SHQ1: variants seen among roughly 807,000 people sequenced by gnomAD.
SHQ1 encodes the protein SHQ1, H/ACA ribonucleoprotein assembly factor, also known as protein SHQ1 homolog.
In SHQ1, 49 loss-of-function variants were observed where a neutral mutation model predicts 53.8. That is an observed-to-expected ratio of 0.91 (90% CI 0.72 to 1.16). The LOEUF (loss-of-function observed/expected upper bound fraction) is 1.16. SHQ1 is among the 50% of genes most tolerant of loss of function. SHQ1 has a pLI of 0.00. For synonymous variants in SHQ1, 243 were observed against 251.0 expected, an observed-to-expected ratio of 0.97 and a Z score of 0.30; for missense variants, 738 against 683.1, an observed-to-expected ratio of 1.08 and a Z score of -0.90.
chr3:72,765,047 T>C (rs1420574057), intron 10 of SHQ1, among the ~76,000 whole-genome samples: 5 of 152,320 alleles, frequency 3.3e-5, no homozygotes, highest in African/African-American at 1.2e-4. Context: ...ATCTTGGCTT[T>C]AAGTAAAAAG....
chr3:72,816,042 C>T (rs1404148830), intron 7 of SHQ1, among the ~76,000 whole-genome samples: 1 of 151,918 alleles, frequency 6.6e-6, no homozygotes, highest in African/African-American at 2.4e-5. Context: ...CGAGTGAAAA[C>T]AAAAAGTATT....
At chr3:72,729,042 C>G in the SHQ1 span, among the ~76,000 whole-genome samples, 2 of 152,238 alleles carry the variant, frequency 1.3e-5, no homozygotes, top group Non-Finnish European at 2.9e-5. Context: ...CCTCCCTCCA[C>G]TCCAGGTTGG....
chr3:72,794,412 C>T lies in SHQ1; in HGVS notation c.1061-1376G>A, dbSNP rs965273403. On this transcript the variant is annotated intron_variant, in intron 9 of 10. Transcript: ENST00000325599. ...ACAGCAGGTTTTCCATTTAAGTGTT[C>T]TAAGAATGAATGAATACATGATAGA... is the stretch of plus-strand genomic sequence containing the variant. The T allele has an allele frequency of 1.1e-4, 16 of 152,194 alleles. 2 individuals are homozygous for T. The highest frequency in any genetic ancestry group is 6.5e-5 in the Admixed American group (1 of 15,274). The allele number at this position is 152,194 out of a possible 1,614,324, so 9.4% of individuals were successfully genotyped here. A position where few individuals can be genotyped will look rare whatever the true frequency, so the allele number is the denominator to read the frequency against.
chr3:72,752,904 C>G, intron 10 of SHQ1: 2 of 781,750 alleles, frequency 2.6e-6, no homozygotes, highest in Non-Finnish European at 3.1e-6. Flanking sequence ...ACCTCGTGAT[C>G]CACCTACCTC....
chr3:72,792,598 C>G (rs541881748), intron 10 of SHQ1, among the ~76,000 whole-genome samples: 3 of 152,032 alleles, frequency 2.0e-5, no homozygotes, highest in Admixed American at 2.0e-4. Context: ...CCAGCCTGGT[C>G]AATGTGGTGA....
the SHQ1 span, among the ~76,000 whole-genome samples, chr3:72,731,386 T>A: frequency 2.4e-3 from 352 of 145,680 alleles, 12 homozygotes; most frequent in African/African-American, 7.6e-3. Flanking sequence ...AAAGTTTTTT[T>A]AAAAAATCCT....
intron 4 of SHQ1, among the ~76,000 whole-genome samples, chr3:72,834,504 T>C (rs1409780789): frequency 6.6e-6 from 1 of 152,138 alleles, no homozygotes; most frequent in Non-Finnish European, 1.5e-5. Context: ...CACTCCAGCT[T>C]GGGCAATAGA....
chr3:72,732,977 C>A, the SHQ1 span, among the ~76,000 whole-genome samples: 1 of 151,610 alleles, frequency 6.6e-6, no homozygotes, highest in Non-Finnish European at 1.5e-5. Flanking sequence ...ATACTTGGCA[C>A]CAAGGAAGGA....
rs1708273062 is a variant in SHQ1 at position 72,844,523 on chromosome 3, A to AT, written c.144-101dup. The AT allele has an allele frequency of 4.5e-6, 4 of 894,190 alleles. No individual in the cohort carries two copies. In the Admixed American group the frequency reaches 7.4e-5, roughly 16 times the overall value. 55.4% of individuals were successfully genotyped at this position (894,190 alleles called of 1,614,324 possible). ...ATTTAACCATCAAAATATATCAATC[A>AT]TTTTTTAAGAAGTTCCTCAGTATTT... On this transcript the variant is annotated intron_variant, in intron 1 of 10. Transcript: ENST00000325599.
At chr3:72,727,331 C>G in the SHQ1 span, among the ~76,000 whole-genome samples, 1 of 152,156 alleles carries the variant, frequency 6.6e-6, no homozygotes, top group Non-Finnish European at 1.5e-5. Context: ...TCCCAAGCCT[C>G]ACCACCCAAC....
rs149135066 is a variant in SHQ1 at position 72,818,882 on chromosome 3, A to C, written c.728-1498T>G. 1.7e-3 allele frequency among the ~76,000 whole-genome samples: 261 copies of C among 152,324 alleles called. 7 individuals are homozygous for C. In the East Asian group the frequency reaches 0.042, roughly 25 times the overall value. On this transcript the variant is annotated intron_variant, in intron 6 of 10. Transcript: ENST00000325599. The stretch of plus-strand genomic sequence containing the variant: ...GGCCCCCAGCTAACAGCCAGCAACA[A>C]AGTAGGGGCCTCAGTTCTATATCTG...
intron 5 of SHQ1, among the ~76,000 whole-genome samples, chr3:72,827,288 C>T (rs1164538521): frequency 6.6e-6 from 1 of 151,956 alleles, no homozygotes; most frequent in African/African-American, 2.4e-5. Context: ...GGTAGGTGGA[C>T]ATACAAGTCT....
intron 10 of SHQ1, among the ~76,000 whole-genome samples, chr3:72,751,921 A>T (rs1705393873): frequency 1.3e-5 from 2 of 152,210 alleles, no homozygotes; most frequent in Non-Finnish European, 2.9e-5. Flanking sequence ...AATAACTTTC[A>T]AAATGGAAAA....
intron 10 of SHQ1, among the ~76,000 whole-genome samples, chr3:72,784,907 C>T (rs1706178842): frequency 6.6e-6 from 1 of 152,196 alleles, no homozygotes; most frequent in African/African-American, 2.4e-5. Context: ...GAAATTACAG[C>T]AGTGTCTTCT....
At chr3:72,824,095 C>G (rs1218971474) in intron 6 of SHQ1, among the ~76,000 whole-genome samples, 1 of 152,142 alleles carries the variant, frequency 6.6e-6, no homozygotes, top group African/African-American at 2.4e-5. Context: ...ATGTTCATAC[C>G]TCTTAAGCAG....
At chr3:72,742,015 C>G in the SHQ1 span, among the ~76,000 whole-genome samples, 3 of 151,812 alleles carry the variant, frequency 2.0e-5, no homozygotes, top group Non-Finnish European at 4.4e-5. Context: ...TGAGGAAGTC[C>G]TGGAACCAAT....
chr3:72,788,603 G>T (rs528970662), intron 10 of SHQ1, among the ~76,000 whole-genome samples: 2 of 152,354 alleles, frequency 1.3e-5, no homozygotes, highest in Non-Finnish European at 2.9e-5. Context: ...TTGAGAACAG[G>T]CCATGATGAC....
chr3:72,809,300 C>G (rs1026014809), intron 9 of SHQ1, among the ~76,000 whole-genome samples: 12 of 152,058 alleles, frequency 7.9e-5, no homozygotes, highest in African/African-American at 2.9e-4. Context: ...ATTTTAAGCA[C>G]TGAAATTAGA....
At chr3:72,776,424 T>C (rs138612188) in intron 10 of SHQ1, among the ~76,000 whole-genome samples, 107 of 152,274 alleles carry the variant, frequency 7.0e-4, no homozygotes, top group Admixed American at 1.2e-3. Flanking sequence ...GGCTACACCA[T>C]AGAGCCTAGG....
Sources: gnomAD v4.1 joint callset for allele counts (sites outside exome capture counted in the v4.1 genomes callset) on GRCh38, gnomAD v4.1.1 for gene constraint, MANE v1.5 for transcripts, NCBI Gene and HGNC (gene_info 2026-07-23, HGNC 2026-07-21) for gene names.